SLC26A11: variants seen among roughly 807,000 people sequenced by gnomAD.
The protein encoded by SLC26A11 is sodium-independent sulfate anion transporter.
In SLC26A11, 58 loss-of-function variants were observed where a neutral mutation model predicts 62.2. The ratio of observed to expected loss-of-function variants is 0.93; its 90% CI spans 0.76 to 1.16. SLC26A11 has a LOEUF of 1.16. Among genes scored for constraint, SLC26A11 ranks in the 50% most tolerant of loss-of-function variants. The probability of loss-of-function intolerance (pLI) is 0.00; values close to 1 mark genes in which losing one functional copy is unlikely to be tolerated. For missense variants in SLC26A11, 790 were observed against 794.3 expected (o/e 0.99, Z 0.06); for synonymous variants, 411 against 368.9 (o/e 1.11, Z -1.31).
At chr17:80,236,559 CA>C (rs1175244240) in intron 7 of SLC26A11, among the ~76,000 whole-genome samples, 1 of 152,176 alleles carries the variant, frequency 6.6e-6, no homozygotes, top group African/African-American at 2.4e-5. Flanking sequence ...TCTTGGAGGC[CA>C]TTGTTTCTGT....
At chr17:80,249,073 G>T (rs2043089569) in intron 15 of SLC26A11, 81 bp from the exon 16 acceptor site, 3 of 1,511,402 alleles carry the variant, frequency 2.0e-6, no homozygotes, top group African/African-American at 1.4e-5. Context: ...CCCTGCCCCT[G>T]GCCAGAGCCT....
chr17:80,234,712 T>G (rs1305986388), intron 7 of SLC26A11, among the ~76,000 whole-genome samples: 1 of 152,260 alleles, frequency 6.6e-6, no homozygotes, highest in Non-Finnish European at 1.5e-5. Flanking sequence ...TTTGTGTGTT[T>G]CATTTTGGAT....
intron 5 of SLC26A11, 120 bp from the exon 6 acceptor site, chr17:80,225,717 G>A: frequency 2.3e-6 from 2 of 856,406 alleles, no homozygotes; most frequent in African/African-American, 1.7e-5. Flanking sequence ...CCGGGAATAA[G>A]GGTTGGGAGC....
chr17:80,245,443 G>A (rs2042969630), intron 11 of SLC26A11, 187 bp downstream of exon 11: 2 of 595,360 alleles, frequency 3.4e-6, no homozygotes, highest in East Asian at 2.9e-5. Context: ...CTCATAGATC[G>A]TCCTGCAGTT....
At position 80,246,286 on chromosome 17, in the gene SLC26A11, C is replaced by T. The variant is rs541390179; in HGVS notation, c.1153+77C>T. 1.3e-4 allele frequency: 197 copies of T among 1,539,738 alleles called. No homozygotes were observed. The highest frequency in any genetic ancestry group is 3.5e-4 in the Middle Eastern group (2 of 5,672). On this transcript the variant is annotated intron_variant, in intron 12 of 17. Transcript: ENST00000361193. This position sits in a 1 kb window ranked among gnomAD's most constrained non-coding sequence, Gnocchi z 4.4. ...GGGAGGAGGGGGCCCACAGAGACGT[C>T]CCTTTGGCTCATGGGCCGTGCGCCC...
In SLC26A11 at chr17:80,223,419, G is replaced by A; in HGVS notation, c.513+82G>A. 7.6e-7 allele frequency: 1 copy of A among 1,319,166 alleles called. No individual in the cohort carries two copies. Among genetic ancestry groups the A allele is most frequent in the Non-Finnish European group, 1.1e-6 (1 of 926,844 alleles). The allele number at this position is 1,319,166 out of a possible 1,614,324, so 81.7% of individuals were successfully genotyped here. A position where few individuals can be genotyped will look rare whatever the true frequency, so the allele number is the denominator to read the frequency against. On this transcript the variant is annotated intron_variant, in intron 5 of 17. Coordinates refer to ENST00000361193, the MANE Select transcript of SLC26A11 (RefSeq NM_001166347.2). The surrounding 1 kb of genome is among the most constrained non-coding windows in gnomAD (Gnocchi z 4.6). ...GATGGCGGGAGCAGGACTGAGGCCA[G>A]TCCTGATCCCTGTGGCCAGTGGACG... is the stretch of plus-strand genomic sequence containing the variant.
intron 5 of SLC26A11, among the ~76,000 whole-genome samples, chr17:80,224,006 A>G (rs12948768): frequency 0.35 from 52,519 of 151,904 alleles, 9,649 homozygotes; most frequent in Admixed American, 0.49. Context: ...AGTGAGCCCA[A>G]TTCCACAGAT....
chr17:80,225,464 A>C, intron 5 of SLC26A11: 1 of 227,962 alleles, frequency 4.4e-6, no homozygotes, highest in South Asian at 6.3e-5. Flanking sequence ...CTGGCTGCTG[A>C]GTGGCCTGGA....
intron 9 of SLC26A11, among the ~76,000 whole-genome samples, chr17:80,238,194 TTAAAAA>T (rs2042751869): frequency 6.6e-6 from 1 of 152,068 alleles, no homozygotes; most frequent in Non-Finnish European, 1.5e-5. Flanking sequence ...CTCGTTTCTA[TTAAAAA>T]TAAAAATTAG....
intron 9 of SLC26A11, among the ~76,000 whole-genome samples, chr17:80,239,549 C>T (rs571249981): frequency 6.6e-6 from 1 of 152,140 alleles, no homozygotes; most frequent in East Asian, 1.9e-4. Context: ...GCCACCACGC[C>T]CAGCTAATTT....
At position 80,229,755 on chromosome 17, in the gene SLC26A11, G is replaced by A. The variant is rs1286258941; in HGVS notation, c.736+1795G>A. 2.0e-5 allele frequency among the ~76,000 whole-genome samples: 3 copies of A among 152,170 alleles called. No homozygotes were observed. In the East Asian group the frequency reaches 5.8e-4, roughly 29 times the overall value. The stretch of plus-strand genomic sequence containing the variant: ...TATGCCTTGTTATCTTAAACCTTGA[G>A]ACTCAGAGTGTGGCCTGGGACCAGC... On this transcript the variant is annotated intron_variant, in intron 7 of 17. Coordinates refer to ENST00000361193, the MANE Select transcript of SLC26A11 (RefSeq NM_001166347.2).
chr17:80,252,847 A>G lies in SLC26A11; in HGVS notation c.*131A>G. The G allele has an allele frequency of 2.7e-6, 2 of 750,714 alleles. No individual in the cohort carries two copies. Among genetic ancestry groups the G allele is most frequent in the Non-Finnish European group, 2.1e-6 (1 of 472,962 alleles). 46.5% of individuals were successfully genotyped at this position (750,714 alleles called of 1,614,324 possible). On this transcript the variant is annotated 3_prime_UTR_variant, in exon 18 of 18. Transcript: ENST00000361193. This position sits in a 1 kb window ranked among gnomAD's most constrained non-coding sequence, Gnocchi z 5.2. ...AAACCCCTGAGCAGGTAACCCAGGG[A>G]AGAGAAGGAAGCCAGGCCTGGAGGT...
At chr17:80,234,298 C>A (rs773383258) in intron 7 of SLC26A11, among the ~76,000 whole-genome samples, 10 of 152,236 alleles carry the variant, frequency 6.6e-5, no homozygotes, top group Non-Finnish European at 1.3e-4. Context: ...AGCCACTTTG[C>A]CTGGCCTCAG....
chr17:80,221,862 G>A (rs1227571820), intron 3 of SLC26A11, 68 bp downstream of exon 3: 28 of 1,442,876 alleles, frequency 1.9e-5, no homozygotes, highest in Non-Finnish European at 2.5e-5. Flanking sequence ...ATCAATCCCA[G>A]ACACCATCAG....
rs2042487200 is a variant in SLC26A11, at chr17:80,228,861, G to A, written c.736+901G>A. Among the ~76,000 whole-genome samples, 6 of 152,194 alleles carry A rather than the reference G, an allele frequency of 3.9e-5. No homozygotes were observed. The highest frequency in any genetic ancestry group is 3.3e-4 in the Admixed American group (5 of 15,280). The stretch of plus-strand genomic sequence containing the variant: ...TGCAGGCTGAGCCACAACCAACCAG[G>A]GGTCCTTTGAGAAAGGGGTGGTGAG... On this transcript the variant is annotated intron_variant, in intron 7 of 17. Transcript: ENST00000361193. The surrounding 1 kb of genome is among the most constrained non-coding windows in gnomAD (Gnocchi z 4.1).
chr17:80,224,224 TGA>T lies in SLC26A11; in HGVS notation c.513+891_513+892del, dbSNP rs375845593. ...GTGAGTGTGTGAATGAGTGAGTGTGTGAGAGTGTGAGTGGGTTTGAGGGAGTG... is the reference window on the plus strand; with the variant it reads ...GTGAGTGTGTGAATGAGTGAGTGTGTGAGTGTGAGTGGGTTTGAGGGAGTG... On this transcript the variant is annotated intron_variant, in intron 5 of 17. Coordinates refer to ENST00000361193, the MANE Select transcript of SLC26A11 (RefSeq NM_001166347.2). Among the ~76,000 whole-genome samples the T allele has an allele frequency of 3.7e-3, 563 of 150,580 alleles. 2 individuals are homozygous for T. Among genetic ancestry groups the T allele is most frequent in the African/African-American group, 1.0e-2 (404 of 40,486 alleles).
chr17:80,236,647 C>A (rs1415948451), intron 7 of SLC26A11: 2 of 381,694 alleles, frequency 5.2e-6, no homozygotes, highest in African/African-American at 2.0e-5. Context: ...CACCTGATTT[C>A]AGAGAGTCTT....
In SLC26A11 at chr17:80,246,020, C is replaced by G; in HGVS notation, c.1098-134C>G. The stretch of plus-strand genomic sequence containing the variant: ...ACCCTAAGTCTCTTTGCCTCGGTCC[C>G]CTTGCAGTCCCCGCCTGCTTCCCAA... On this transcript the variant is annotated intron_variant, in intron 11 of 17. Transcript: ENST00000361193. This position sits in a 1 kb window ranked among gnomAD's most constrained non-coding sequence, Gnocchi z 4.4. The G allele has an allele frequency of 9.5e-7, 1 of 1,055,250 alleles. No individual in the cohort carries two copies. The highest frequency in any genetic ancestry group is 1.5e-6 in the Non-Finnish European group (1 of 682,150). 65.4% of individuals were successfully genotyped at this position (1,055,250 alleles called of 1,614,324 possible).
Position 80,228,597 on chromosome 17 carries a change from G to A in SLC26A11, c.736+637G>A, listed in dbSNP as rs866358085. 3.9e-5 allele frequency among the ~76,000 whole-genome samples: 6 copies of A among 152,236 alleles called. No individual in the cohort carries two copies. Among genetic ancestry groups the A allele is most frequent in the Non-Finnish European group, 5.9e-5 (4 of 68,052 alleles). On this transcript the variant is annotated intron_variant, in intron 7 of 17. Coordinates refer to ENST00000361193, the MANE Select transcript of SLC26A11 (RefSeq NM_001166347.2). This position sits in a 1 kb window ranked among gnomAD's most constrained non-coding sequence, Gnocchi z 4.1. The stretch of plus-strand genomic sequence containing the variant: ...GGAAACATTTTTGGTGGATACCACC[G>A]GGCGAGGCAGTTGCTGGCAACTAGC...
Sources: allele counts gnomAD v4.1 joint callset (sites outside exome capture counted in the v4.1 genomes callset), GRCh38; gene constraint gnomAD v4.1.1; non-coding constraint Gnocchi (gnomAD v3.1); transcripts MANE v1.5; gene names NCBI Gene and HGNC (gene_info 2026-07-23, HGNC 2026-07-21).